Variants in CELSR2 observed in about 807,000 individuals in gnomAD.
CELSR2 encodes cadherin EGF LAG seven-pass G-type receptor 2.
In CELSR2, 81 loss-of-function variants were observed where a neutral mutation model predicts 251.6. That is an observed-to-expected ratio of 0.32 (90% CI 0.27 to 0.39). CELSR2 has a LOEUF of 0.39. Among genes scored for constraint, CELSR2 ranks in the 10% least tolerant of loss-of-function variants. The probability of loss-of-function intolerance (pLI) is 1.00; values close to 1 mark genes in which losing one functional copy is unlikely to be tolerated. For synonymous variants in CELSR2, 1,721 were observed against 1,670.5 expected (o/e 1.03, Z -0.74); for missense variants, 3,365 against 3,947.7 (o/e 0.85, Z 3.96).
Position 109,261,759 on chromosome 1 carries a change from C to CA in CELSR2, c.4298-48dup. 6.4e-7 allele frequency: 1 copy of CA among 1,562,486 alleles called. No homozygotes were observed. On this transcript the variant is annotated intron_variant, in intron 4 of 33. Transcript: ENST00000271332. This position sits in a 1 kb window ranked among gnomAD's most constrained non-coding sequence, Gnocchi z 4.8. Reference sequence around the variant, plus strand: ...CAGCCACTGGCACCCCAAACCCTGCCATTCCTAGCCCTCGTCAGGCATTCC... The same window carrying CA: ...CAGCCACTGGCACCCCAAACCCTGCCAATTCCTAGCCCTCGTCAGGCATTCC...
At chr1:109,260,486 A>G (rs1001455922) in intron 2 of CELSR2, among the ~76,000 whole-genome samples, 5 of 152,210 alleles carry the variant, frequency 3.3e-5, no homozygotes, top group African/African-American at 7.2e-5. Flanking sequence ...ATACTCTTCC[A>G]TAACCCAGAC....
In CELSR2 at chr1:109,255,215, GC is replaced by G. The variant is rs377529032; in HGVS notation, c.3310+1830del. 2.7e-3 allele frequency among the ~76,000 whole-genome samples: 417 copies of G among 152,310 alleles called. 2 individuals are homozygous for G. The highest frequency in any genetic ancestry group is 9.6e-3 in the African/African-American group (399 of 41,580). ...GGGTGAGGGGGAGCTGACTCCCACT[GC>G]CCCTTTGTTTTCCTCCTCTTGTTCT... On this transcript the variant is annotated intron_variant, in intron 1 of 33. Coordinates refer to ENST00000271332, the MANE Select transcript of CELSR2 (RefSeq NM_001408.3).
chr1:109,261,426 T>A lies in CELSR2; in HGVS notation c.4182-87T>A. ...TTGCCTGTGGTTCTGCCAGCAGATC[T>A]CCCTCCCCTGCGCTGGTTAGGTGGC... On this transcript the variant is annotated intron_variant, in intron 3 of 33. Transcript: ENST00000271332. The surrounding 1 kb of genome is among the most constrained non-coding windows in gnomAD (Gnocchi z 4.8). 1 of 1,402,394 alleles carries A rather than the reference T, an allele frequency of 7.1e-7. No individual in the cohort carries two copies. The highest frequency in any genetic ancestry group is 1.0e-6 in the Non-Finnish European group (1 of 990,110). The allele number at this position is 1,402,394 out of a possible 1,614,324, so 86.9% of individuals were successfully genotyped here.
chr1:109,254,692 G>A (rs554070475), intron 1 of CELSR2, among the ~76,000 whole-genome samples: 86 of 152,266 alleles, frequency 5.6e-4, no homozygotes, highest in African/African-American at 1.9e-3. Context: ...GGGGAAGGAG[G>A]GGTATGCCAG....
Position 109,271,018 on chromosome 1 carries a change from C to T in CELSR2, c.7575C>T (p.Gly2525=). 1 of 1,613,782 alleles carries T rather than the reference C, an allele frequency of 6.2e-7. No homozygotes were observed. Among genetic ancestry groups the T allele is most frequent in the Non-Finnish European group, 8.5e-7 (1 of 1,179,916 alleles). The change falls in exon 25 of 34, where the codon GGC becomes GGT. Residue 2525 remains glycine, a synonymous_variant. Transcript: ENST00000271332. ...IYDTLIWSFA[G]PVAFAVSMSV... ...ACACGCTCATCTGGAGTTTTGCTGGCCCGGTGGCCTTTGCCGTCTCGGTGA... is the reference window on the plus strand; with the variant it reads ...ACACGCTCATCTGGAGTTTTGCTGGTCCGGTGGCCTTTGCCGTCTCGGTGA...
Position 109,261,258 on chromosome 1 carries a change from C to T in CELSR2, c.4175C>T (p.Ala1392Val). 1 of 1,612,836 alleles carries T rather than the reference C, an allele frequency of 6.2e-7. No homozygotes were observed. Among genetic ancestry groups the T allele is most frequent in the Non-Finnish European group, 8.5e-7 (1 of 1,179,786 alleles). The change falls in exon 3 of 34, where the codon GCC becomes GTC. Residue 1392 changes from alanine to valine, a missense_variant. Coordinates refer to ENST00000271332, the MANE Select transcript of CELSR2 (RefSeq NM_001408.3). This position sits in a 1 kb window ranked among gnomAD's most constrained non-coding sequence, Gnocchi z 4.8. ...CGCCAGCGTTTCCACTTCACCCTGG[C>T]CCTCTCGTGAGTGGCTGGGCACTGG... The part of the protein sequence containing the change: ...GLRQRFHFTL[A>V]LSFATKERDG...
Position 109,264,112 on chromosome 1 carries a change from G to A in CELSR2, c.5036G>A (p.Gly1679Asp). The change falls in exon 10 of 34, where the codon GGC (glycine) becomes GAC (aspartate). Residue 1679 changes from glycine to aspartate, a missense_variant. Coordinates refer to ENST00000271332, the MANE Select transcript of CELSR2 (RefSeq NM_001408.3). ...GGCCACGTGATGCTGAGCGTGGAGGGCACAGGGCTTCAGGCCTCCTCTCTC... is the reference window on the plus strand; with the variant it reads ...GGCCACGTGATGCTGAGCGTGGAGGACACAGGGCTTCAGGCCTCCTCTCTC... The part of the protein sequence containing the change: ...REGHVMLSVE[G>D]TGLQASSLRL... 1.3e-6 allele frequency: 2 copies of A among 1,597,802 alleles called. No homozygotes were observed. Among genetic ancestry groups the A allele is most frequent in the Non-Finnish European group, 1.7e-6 (2 of 1,168,080 alleles).
intron 17 of CELSR2, 148 bp downstream of exon 17, chr1:109,268,208 A>G: frequency 1.6e-6 from 2 of 1,241,868 alleles, no homozygotes; most frequent in Non-Finnish European, 2.2e-6. Flanking sequence ...AAACCCTGTG[A>G]CCCCTGGCCC....
rs2101260221 is a variant in CELSR2 at position 109,264,225 on chromosome 1, C to T, written c.5149C>T (p.Leu1717=). ...GASGGPGHAI[L]SFDYGQQRAE... ...CAGCGGGGGGCCCGGCCATGCCATT[C>T]TGTCCTTCGATTATGGGCAGCAGAG... is the stretch of plus-strand genomic sequence containing the variant. The change falls in exon 10 of 34, where the codon CTG becomes TTG. Residue 1717 remains leucine, a synonymous_variant. Coordinates refer to ENST00000271332, the MANE Select transcript of CELSR2 (RefSeq NM_001408.3). 6.2e-7 allele frequency: 1 copy of T among 1,613,924 alleles called. No homozygotes were observed. The highest frequency in any genetic ancestry group is 1.3e-5 in the African/African-American group (1 of 75,068).
At chr1:109,263,417 G>A in intron 8 of CELSR2, 150 bp downstream of exon 8, 1 of 1,392,228 alleles carries the variant, frequency 7.2e-7, no homozygotes, top group Non-Finnish European at 9.6e-7. Flanking sequence ...GGGCAACACA[G>A]GAGACAAAGG....
At chr1:109,258,035 T>G (rs542516556) in intron 1 of CELSR2, among the ~76,000 whole-genome samples, 7 of 152,092 alleles carry the variant, frequency 4.6e-5, no homozygotes, top group Middle Eastern at 3.4e-3. Context: ...ATCGTGGTGT[T>G]GAGGTGTAGA....
intron 1 of CELSR2, among the ~76,000 whole-genome samples, chr1:109,255,942 G>A (rs1230387641): frequency 6.6e-6 from 1 of 152,226 alleles, no homozygotes; most frequent in Admixed American, 6.5e-5. Context: ...TAAGACGATG[G>A]CGGTGGGGGA....
chr1:109,271,739 T>C lies in CELSR2; in HGVS notation c.7926+17T>C. ...CTGACCTCGGTGAGGGAGCCAGGGG[T>C]CTCAGGAGGGCGGTGAAGGGAGGGA... is the stretch of plus-strand genomic sequence containing the variant. On this transcript the variant is annotated intron_variant, in intron 28 of 33. Coordinates refer to ENST00000271332, the MANE Select transcript of CELSR2 (RefSeq NM_001408.3). 6.2e-7 allele frequency: 1 copy of C among 1,612,808 alleles called. No homozygotes were observed. Among genetic ancestry groups the C allele is most frequent in the Non-Finnish European group, 8.5e-7 (1 of 1,179,518 alleles).
At position 109,258,625 on chromosome 1, in the gene CELSR2, C is replaced by T; in HGVS notation, c.3504C>T (p.Asn1168=). 14 of 1,568,984 alleles carry T rather than the reference C, an allele frequency of 8.9e-6. No individual in the cohort carries two copies. Among genetic ancestry groups the T allele is most frequent in the Non-Finnish European group, 1.2e-5 (14 of 1,157,054 alleles). ...CACCGGACCACGTGGTGGTCTTCAA[C>T]GTACAGCGGGACACCGACGCCCCCG... ...ATPPDHVVVF[N]VQRDTDAPGG... Residue 1168 remains asparagine (N), a synonymous_variant, in exon 2 of 34, where the codon AAC becomes AAT. Transcript: ENST00000271332.
At chr1:109,256,270 G>A (rs1048217466) in intron 1 of CELSR2, among the ~76,000 whole-genome samples, 1 of 152,172 alleles carries the variant, frequency 6.6e-6, no homozygotes, top group South Asian at 2.1e-4. Flanking sequence ...AGAGGACTGT[G>A]GGCTGGTGTC....
chr1:109,258,289 G>T, intron 1 of CELSR2, 143 bp from the exon 2 acceptor site: 1 of 591,456 alleles, frequency 1.7e-6, no homozygotes, highest in South Asian at 2.4e-5. Context: ...GAGCCCTGAA[G>T]GAGTGATTGG....
chr1:109,272,688 T>A lies in CELSR2; in HGVS notation c.8103T>A (p.Asp2701Glu), dbSNP rs146896322. The A allele has an allele frequency of 5.2e-5, 84 of 1,613,646 alleles. No individual in the cohort carries two copies. Among genetic ancestry groups the A allele is most frequent in the Non-Finnish European group, 6.7e-5 (79 of 1,179,974 alleles). The change falls in exon 30 of 34, where the codon GAT becomes GAA. Residue 2701 changes from aspartate to glutamate, a missense_variant. Coordinates refer to ENST00000271332, the MANE Select transcript of CELSR2 (RefSeq NM_001408.3). ...GCCAAGGGCCCCCTGGCCTGGGGGATCCAGGCAGCCTGTTCCTGGAAGGTC... is the reference window on the plus strand; with the variant it reads ...GCCAAGGGCCCCCTGGCCTGGGGGAACCAGGCAGCCTGTTCCTGGAAGGTC... ...NPGQGPPGLGDPGSLFLEGQD... is the reference protein window; with the variant it reads ...NPGQGPPGLGEPGSLFLEGQD...
At chr1:109,270,833 T>C in intron 24 of CELSR2, 94 bp from the exon 25 acceptor site, 1 of 1,033,438 alleles carries the variant, frequency 9.7e-7, no homozygotes, top group South Asian at 1.4e-5. Flanking sequence ...TTTTCCATGC[T>C]TCATGCCTGG....
At chr1:109,270,195 ACTG>A in intron 23 of CELSR2, 62 bp downstream of exon 23, 1 of 1,536,082 alleles carries the variant, frequency 6.5e-7, no homozygotes. Flanking sequence ...CCCAGCCCCC[ACTG>A]GCAACCCCTG....
Sources: gnomAD v4.1 joint callset for allele counts (sites outside exome capture counted in the v4.1 genomes callset) on GRCh38, gnomAD v4.1.1 for gene constraint, Gnocchi (gnomAD v3.1) non-coding constraint, MANE v1.5 for transcripts, NCBI Gene and HGNC (gene_info 2026-07-23, HGNC 2026-07-21) for gene names.